The following SPAG16 variants were observed in gnomAD, a reference collection of about 807,000 sequenced individuals.
The protein encoded by SPAG16 is sperm associated antigen 16.
SPAG16 carries 86 observed loss-of-function variants against 80.4 expected under a neutral mutation model. The observed-to-expected ratio is 1.07, with a 90% CI of 0.90 to 1.28. SPAG16 has a LOEUF of 1.28. Among genes scored for constraint, SPAG16 ranks in the 50% most tolerant of loss-of-function variants. SPAG16 has a pLI of 0.00. For missense variants in SPAG16, 870 were observed against 765.3 expected (o/e 1.14, Z -1.61); for synonymous variants, 294 against 265.9 (o/e 1.11, Z -1.03).
intron 14 of SPAG16, among the ~76,000 whole-genome samples, chr2:214,141,698 A>G (rs2055370144): frequency 6.6e-6 from 1 of 152,180 alleles, no homozygotes; most frequent in South Asian, 2.1e-4. Context: ...TTCCCCCGGT[A>G]CAATGAGGAC....
At chr2:213,358,871 C>A (rs2065821752) in intron 7 of SPAG16, among the ~76,000 whole-genome samples, 1 of 152,166 alleles carries the variant, frequency 6.6e-6, no homozygotes, top group Non-Finnish European at 1.5e-5. Context: ...CTTTTCTGCT[C>A]TTGTTTCTCT....
chr2:213,695,973 G>T (rs1349622251), intron 10 of SPAG16, among the ~76,000 whole-genome samples: 1 of 152,162 alleles, frequency 6.6e-6, no homozygotes, highest in Non-Finnish European at 1.5e-5. Flanking sequence ...TAGAAGAAGA[G>T]ATATTATTTA....
At chr2:213,748,424 G>A (rs1486657523) in intron 10 of SPAG16, among the ~76,000 whole-genome samples, 1 of 151,572 alleles carries the variant, frequency 6.6e-6, no homozygotes, top group Non-Finnish European at 1.5e-5. Flanking sequence ...AAAAGTTTAT[G>A]TTCTTTTCCA....
intron 15 of SPAG16, among the ~76,000 whole-genome samples, chr2:214,179,797 AT>A (rs1416665246): frequency 2.0e-5 from 3 of 151,584 alleles, no homozygotes; most frequent in Non-Finnish European, 4.4e-5. Flanking sequence ...GTATTTGTCA[AT>A]TACATTTAAA....
At chr2:213,398,191 T>C (rs1265278368) in intron 9 of SPAG16, among the ~76,000 whole-genome samples, 1 of 151,836 alleles carries the variant, frequency 6.6e-6, no homozygotes, top group Non-Finnish European at 1.5e-5. Context: ...TGCCACCGTC[T>C]GTAGTTTGTA....
intron 10 of SPAG16, among the ~76,000 whole-genome samples, chr2:213,720,266 C>T (rs531117496): frequency 6.6e-6 from 1 of 152,050 alleles, no homozygotes; most frequent in East Asian, 1.9e-4. Context: ...AGCAAACCAT[C>T]ATGGCACGTG....
At chr2:213,330,866 T>C (rs2124861021) in intron 5 of SPAG16, among the ~76,000 whole-genome samples, 1 of 152,226 alleles carries the variant, frequency 6.6e-6, no homozygotes, top group South Asian at 2.1e-4. Context: ...CAAATAATCC[T>C]CATGAGATTT....
chr2:214,323,038 T>C (rs1352154917), intron 15 of SPAG16, among the ~76,000 whole-genome samples: 1 of 152,234 alleles, frequency 6.6e-6, no homozygotes, highest in Admixed American at 6.5e-5. Context: ...AGCTCTTTCA[T>C]CTAAAGGAAT....
At chr2:213,881,372 T>A (rs2076338493) in intron 11 of SPAG16, among the ~76,000 whole-genome samples, 1 of 152,212 alleles carries the variant, frequency 6.6e-6, no homozygotes, top group Non-Finnish European at 1.5e-5. Flanking sequence ...CTTTTGACAG[T>A]CTTCAGATTT....
chr2:214,129,343 G>A lies in SPAG16; in HGVS notation c.1594-19797G>A, dbSNP rs542852420. Among the ~76,000 whole-genome samples, 257 of 152,172 alleles carry A rather than the reference G, an allele frequency of 1.7e-3. 4 individuals are homozygous for A. The highest frequency in any genetic ancestry group is 5.2e-3 in the African/African-American group (214 of 41,520). On this transcript the variant is annotated intron_variant, in intron 14 of 15. Transcript: ENST00000331683. The stretch of plus-strand genomic sequence containing the variant: ...TAGTATGTCAACGTAGTCTTCTCTG[G>A]CTGACTTCATTCGTTTTCATCTCTT...
chr2:213,829,506 A>G (rs1271511956), intron 10 of SPAG16, among the ~76,000 whole-genome samples: 1 of 152,126 alleles, frequency 6.6e-6, no homozygotes, highest in Non-Finnish European at 1.5e-5. Flanking sequence ...TGGCCAAGCA[A>G]GTACCTAAGG....
At chr2:213,862,189 A>T (rs559686441) in intron 10 of SPAG16, among the ~76,000 whole-genome samples, 192 of 152,274 alleles carry the variant, frequency 1.3e-3, no homozygotes, top group Non-Finnish European at 1.9e-3. Context: ...GAAAAACCAT[A>T]ATTACTCTTT....
rs78441573 is a variant in SPAG16, at chr2:214,257,255, G to A, written c.1720+107989G>A. 5.0e-3 allele frequency among the ~76,000 whole-genome samples: 760 copies of A among 151,940 alleles called. 4 individuals carry two copies. The highest frequency in any genetic ancestry group is 0.017 in the African/African-American group (715 of 41,510). On this transcript the variant is annotated intron_variant, in intron 15 of 15. Coordinates refer to ENST00000331683, the MANE Select transcript of SPAG16 (RefSeq NM_024532.5). ...TAGCTCATACCCTGTGACTTTGGTC[G>A]TTTCACTTATTAATCATAGTAGTTG...
At chr2:213,444,990 G>A (rs182614811) in intron 9 of SPAG16, among the ~76,000 whole-genome samples, 19 of 152,224 alleles carry the variant, frequency 1.2e-4, no homozygotes, top group Non-Finnish European at 2.6e-4. Flanking sequence ...ACATATATTG[G>A]AGAAGGGAAA....
At chr2:214,131,920 A>G (rs1385931903) in intron 14 of SPAG16, among the ~76,000 whole-genome samples, 1 of 152,126 alleles carries the variant, frequency 6.6e-6, no homozygotes, top group Non-Finnish European at 1.5e-5. Flanking sequence ...AGTGAACCCT[A>G]ATGTAAACTG....
intron 10 of SPAG16, among the ~76,000 whole-genome samples, chr2:213,851,974 C>T (rs1374110725): frequency 1.3e-5 from 2 of 152,188 alleles, no homozygotes; most frequent in Non-Finnish European, 1.5e-5. Context: ...ATTAAGATTT[C>T]ATCTTTTTCA....
chr2:213,682,532 G>T (rs1427948541), intron 10 of SPAG16, among the ~76,000 whole-genome samples: 1 of 152,194 alleles, frequency 6.6e-6, no homozygotes, highest in African/African-American at 2.4e-5. Flanking sequence ...TTGGTCAGGA[G>T]CATTCTCTCT....
At chr2:213,793,272 C>A (rs1365503107) in intron 10 of SPAG16, among the ~76,000 whole-genome samples, 4 of 152,054 alleles carry the variant, frequency 2.6e-5, no homozygotes, top group African/African-American at 9.6e-5. Context: ...TTCTTACTGT[C>A]AATATTTTGT....
intron 5 of SPAG16, among the ~76,000 whole-genome samples, chr2:213,321,570 A>G (rs2063609373): frequency 1.3e-5 from 2 of 152,128 alleles, no homozygotes; most frequent in South Asian, 4.1e-4. Flanking sequence ...AAATTCAGCA[A>G]CGATGAAGTA....
Sources: gnomAD v4.1 joint callset for allele counts (sites outside exome capture counted in the v4.1 genomes callset) on GRCh38, gnomAD v4.1.1 for gene constraint, MANE v1.5 for transcripts, NCBI Gene and HGNC (gene_info 2026-07-23, HGNC 2026-07-21) for gene names.